Variants in LINGO1 observed in about 807,000 individuals in gnomAD.
LINGO1 encodes the protein leucine rich repeat and Ig domain containing 1, also known as leucine-rich repeat and immunoglobulin-like domain-containing nogo receptor-interacting protein 1.
Under a neutral mutation model 37.3 loss-of-function variants are expected in LINGO1, and 11 were observed. The observed-to-expected ratio is 0.29, with a 90% confidence interval of 0.19 to 0.49. The LOEUF is 0.49. LINGO1 is among the 20% of genes least tolerant of loss of function. The pLI is 0.99. For synonymous variants in LINGO1, 387 were observed against 403.0 expected (o/e 0.96, Z 0.48); for missense variants, 585 against 878.2 (o/e 0.67, Z 4.22).
At chr15:77,633,988 C>G (rs901075511), upstream of LINGO1, among the ~76,000 whole-genome samples, 1 of 152,170 alleles carries the variant, frequency 6.6e-6, no homozygotes, top group East Asian at 1.9e-4. Flanking sequence ...CCGCCCGGCA[C>G]GGCCATCCCT....
chr15:77,816,621 G>T (rs1181366296), intron 1 of LINGO1, among the ~76,000 whole-genome samples: 1 of 152,216 alleles, frequency 6.6e-6, no homozygotes, highest in East Asian at 1.9e-4. Context: ...GGAGGCTGGG[G>T]TGAGGAAGTG....
chr15:77,785,423 G>T (rs1273230523), intron 1 of LINGO1, among the ~76,000 whole-genome samples: 2 of 152,124 alleles, frequency 1.3e-5, no homozygotes, highest in South Asian at 4.1e-4. Flanking sequence ...CCTGGAGCGT[G>T]GGCAGTCCTG....
chr15:77,644,864 T>TG (rs2074590086), intron 3 of LINGO1, among the ~76,000 whole-genome samples: 1 of 152,072 alleles, frequency 6.6e-6, no homozygotes, highest in Non-Finnish European at 1.5e-5. Context: ...AAAGGGCCAC[T>TG]GGGTGGGCTC....
At chr15:77,728,988 T>TG (rs1190611699) in intron 2 of LINGO1, among the ~76,000 whole-genome samples, 2 of 152,378 alleles carry the variant, frequency 1.3e-5, no homozygotes, top group East Asian at 3.9e-4. Context: ...CTTGGCCAAG[T>TG]ATTTGCAAGG....
chr15:77,730,462 G>C (rs1324184406), intron 2 of LINGO1, among the ~76,000 whole-genome samples: 1 of 152,180 alleles, frequency 6.6e-6, no homozygotes. Context: ...TACCCATCTT[G>C]CCTCAGGGGC....
chr15:77,700,219 A>C (rs1450301828), upstream of LINGO1, among the ~76,000 whole-genome samples: 4 of 151,986 alleles, frequency 2.6e-5, no homozygotes, highest in Non-Finnish European at 4.4e-5. Flanking sequence ...TCCCCCCAAC[A>C]CACCTCTCCC....
At chr15:77,623,050 C>T (rs1398525481) in intron 1 of LINGO1, among the ~76,000 whole-genome samples, 2 of 152,328 alleles carry the variant, frequency 1.3e-5, no homozygotes, top group Non-Finnish European at 2.9e-5. Context: ...CACTCCCAGG[C>T]CCTGCCTGCA....
upstream of LINGO1, among the ~76,000 whole-genome samples, chr15:77,636,470 A>T (rs2074398271): frequency 6.6e-6 from 1 of 152,000 alleles, no homozygotes; most frequent in Non-Finnish European, 1.5e-5. Flanking sequence ...CTTGGAGGTG[A>T]GTGGGGGTTG....
chr15:77,782,033 A>G (rs555291133), intron 1 of LINGO1, among the ~76,000 whole-genome samples: 32 of 152,344 alleles, frequency 2.1e-4, no homozygotes, highest in African/African-American at 7.2e-4. Context: ...CCAGAATTTT[A>G]AGCAGTTTTT....
chr15:77,642,753 GCATTAC>G, intron 3 of LINGO1, among the ~76,000 whole-genome samples: 1 of 152,356 alleles, frequency 6.6e-6, no homozygotes, highest in Admixed American at 6.5e-5. Context: ...CCCCAGCAGG[GCATTAC>G]TTCTGCAAGT....
chr15:77,768,312 A>G (rs900884904), intron 1 of LINGO1, among the ~76,000 whole-genome samples: 3 of 152,242 alleles, frequency 2.0e-5, no homozygotes, highest in South Asian at 2.1e-4. Context: ...CTCCTCCCTG[A>G]TTAGCGCCTC....
intron 3 of LINGO1, chr15:77,641,745 CCCAGAGACA>C: frequency 2.4e-6 from 1 of 416,352 alleles, no homozygotes; most frequent in Non-Finnish European, 4.9e-6. Context: ...AGAGAAGAGG[CCCAGAGACA>C]CAGAGAGCCA....
chr15:77,713,222 G>GTGTGTA (rs2075941546), intron 2 of LINGO1, among the ~76,000 whole-genome samples: 1 of 96,250 alleles, frequency 1.0e-5, no homozygotes, highest in Non-Finnish European at 2.7e-5. Flanking sequence ...GTGTGTGTGT[G>GTGTGTA]TGTGTGTGTG....
chr15:77,790,122 T>C (rs1021596883), upstream of LINGO1, among the ~76,000 whole-genome samples: 16 of 152,180 alleles, frequency 1.1e-4, no homozygotes, highest in Non-Finnish European at 1.5e-5. Flanking sequence ...TGTGAGACGA[T>C]CCATTTCTGT....
intron 1 of LINGO1, among the ~76,000 whole-genome samples, chr15:77,816,390 G>A (rs1368863903): frequency 6.6e-6 from 1 of 152,226 alleles, no homozygotes; most frequent in South Asian, 2.1e-4. Flanking sequence ...GAAACTCTGA[G>A]ACTGGTCAGG....
chr15:77,740,994 GC>G (rs2076257728), intron 1 of LINGO1, among the ~76,000 whole-genome samples: 1 of 152,158 alleles, frequency 6.6e-6, no homozygotes, highest in African/African-American at 2.4e-5. Context: ...GGCATTCCCA[GC>G]CCCCAGCCCT....
chr15:77,784,009 C>T (rs950537893), intron 1 of LINGO1, among the ~76,000 whole-genome samples: 3 of 152,198 alleles, frequency 2.0e-5, no homozygotes, highest in Admixed American at 6.5e-5. Flanking sequence ...CCAGGGAGGA[C>T]GGTGCTGCGC....
At chr15:77,668,486 A>G (rs559056882) in intron 3 of LINGO1, among the ~76,000 whole-genome samples, 1 of 152,290 alleles carries the variant, frequency 6.6e-6, no homozygotes, top group South Asian at 2.1e-4. Context: ...GCAGCCCTTC[A>G]TCCGCTGAGA....
rs139900596 is a variant in LINGO1 at position 77,809,779 on chromosome 15, G to A, written c.-458+10479C>T. ...GCAGAGGACGCCCAGCCCCTGCCTC[G>A]TTTTGCCAGGGAAGAAACATTTGCC... On this transcript the variant is annotated intron_variant, in intron 1 of 5. Coordinates refer to the LINGO1 transcript ENST00000562933. 3.1e-4 allele frequency among the ~76,000 whole-genome samples: 47 copies of A among 152,324 alleles called. No individual in the cohort carries two copies. In the East Asian group the frequency reaches 6.4e-3, roughly 21 times the overall value.
Sources: allele counts gnomAD v4.1 joint callset (sites outside exome capture counted in the v4.1 genomes callset), GRCh38; gene constraint gnomAD v4.1.1; transcripts MANE v1.5; gene names NCBI Gene and HGNC (gene_info 2026-07-23, HGNC 2026-07-21).